The following NEGR1 variants were observed in gnomAD, a reference collection of about 807,000 sequenced individuals.
The protein encoded by NEGR1 is neuronal growth regulator 1.
In NEGR1, 10 loss-of-function variants were observed where a neutral mutation model predicts 40.9. That is an observed-to-expected ratio of 0.24 (90% CI 0.15 to 0.42). NEGR1 has a LOEUF of 0.42. NEGR1 is among the 10% of genes least tolerant of loss of function. NEGR1 has a pLI of 1.00. For missense variants in NEGR1, 352 were observed against 438.9 expected (o/e 0.80, Z 1.77); for synonymous variants, 185 against 166.8 (o/e 1.11, Z -0.84).
intron 6 of NEGR1, among the ~76,000 whole-genome samples, chr1:71,499,771 G>A (rs1400594394): frequency 6.6e-6 from 1 of 151,862 alleles, no homozygotes; most frequent in East Asian, 1.9e-4. Context: ...TCCTGATCTA[G>A]TGCAATCTAT....
At chr1:71,742,124 A>G (rs1214086684) in intron 3 of NEGR1, among the ~76,000 whole-genome samples, 1 of 152,172 alleles carries the variant, frequency 6.6e-6, no homozygotes, top group Non-Finnish European at 1.5e-5. Context: ...GAAAAGAGAC[A>G]TAAGAGAGAT....
In NEGR1 at chr1:72,118,844, C is replaced by A. The variant is rs553786477; in HGVS notation, c.176+163475G>T. Among the ~76,000 whole-genome samples the A allele has an allele frequency of 1.2e-4, 18 of 151,382 alleles. No individual in the cohort carries two copies. The South Asian group carries it at 3.5e-3, about 30-fold the overall frequency. On this transcript the variant is annotated intron_variant, in intron 1 of 6. Coordinates refer to ENST00000357731, the MANE Select transcript of NEGR1 (RefSeq NM_173808.3). ...TTTCTATATTTTCTATGTTCTATTT[C>A]GGGCACTATTTTCAACCAAATTTTA...
intron 6 of NEGR1, among the ~76,000 whole-genome samples, chr1:71,409,714 T>C (rs1646302906): frequency 6.6e-6 from 1 of 152,064 alleles, no homozygotes; most frequent in Non-Finnish European, 1.5e-5. Context: ...TCTTTGTGTT[T>C]CCAGACATAA....
rs1449142999 is a variant in NEGR1 at position 71,928,091 on chromosome 1, T to C, written c.409+6988A>G. Reference sequence around the variant, plus strand: ...ACACATATGTACATATATGTATATATACACACATATGTATATATACACATA... The same window carrying C: ...ACACATATGTACATATATGTATATACACACACATATGTATATATACACATA... On this transcript the variant is annotated intron_variant, in intron 2 of 6. Transcript: ENST00000357731. Among the ~76,000 whole-genome samples the C allele has an allele frequency of 6.6e-4, 75 of 113,212 alleles. 3 individuals carry two copies. The highest frequency in any genetic ancestry group is 7.3e-4 in the Non-Finnish European group (40 of 55,044). The allele number at this position is 113,212 out of a possible 152,430, so 74.3% of individuals were successfully genotyped here.
chr1:72,133,007 T>TA (rs1344488143), intron 1 of NEGR1, among the ~76,000 whole-genome samples: 7 of 152,112 alleles, frequency 4.6e-5, no homozygotes, highest in African/African-American at 1.7e-4. Context: ...GAAAAAATAA[T>TA]AAGACATTGA....
intron 6 of NEGR1, among the ~76,000 whole-genome samples, chr1:71,426,708 T>C (rs950585252): frequency 1.3e-5 from 2 of 152,192 alleles, no homozygotes; most frequent in African/African-American, 4.8e-5. Flanking sequence ...GGATCCAAGA[T>C]ATATTTGCCT....
chr1:71,572,060 T>C (rs146289417), intron 6 of NEGR1, among the ~76,000 whole-genome samples: 11 of 152,272 alleles, frequency 7.2e-5, no homozygotes, highest in African/African-American at 2.4e-4. Flanking sequence ...GCTCTGAGTA[T>C]TAGCCTTTGT....
intron 1 of NEGR1, among the ~76,000 whole-genome samples, chr1:71,974,302 T>A (rs556623209): frequency 1.3e-5 from 2 of 152,278 alleles, no homozygotes; most frequent in African/African-American, 4.8e-5. Flanking sequence ...CCAAATCAGA[T>A]TAGGTTCACA....
chr1:71,693,194 T>G (rs2101624160), intron 4 of NEGR1, among the ~76,000 whole-genome samples: 1 of 151,854 alleles, frequency 6.6e-6, no homozygotes, highest in South Asian at 2.1e-4. Flanking sequence ...TCAGGTTATC[T>G]TTATTGAATC....
At chr1:71,820,660 C>T (rs948111657) in intron 2 of NEGR1, among the ~76,000 whole-genome samples, 1 of 151,908 alleles carries the variant, frequency 6.6e-6, no homozygotes, top group African/African-American at 2.4e-5. Context: ...AATGTACAAT[C>T]AAGAATGACA....
intron 6 of NEGR1, among the ~76,000 whole-genome samples, chr1:71,494,661 G>A (rs971103995): frequency 2.6e-5 from 4 of 152,136 alleles, no homozygotes; most frequent in African/African-American, 9.7e-5. Flanking sequence ...TGGGGACCCA[G>A]GAACTTTGTG....
chr1:71,663,816 C>T (rs575315226), intron 4 of NEGR1, among the ~76,000 whole-genome samples: 2 of 152,284 alleles, frequency 1.3e-5, no homozygotes, highest in South Asian at 4.1e-4. Flanking sequence ...TATTGAAGGA[C>T]TAGGTTTGTG....
chr1:72,137,567 G>A (rs1650516685), intron 1 of NEGR1, among the ~76,000 whole-genome samples: 1 of 151,638 alleles, frequency 6.6e-6, no homozygotes, highest in African/African-American at 2.4e-5. Context: ...TACACAGGGA[G>A]GGGAACATCA....
intron 2 of NEGR1, among the ~76,000 whole-genome samples, chr1:71,881,227 CAGTA>C (rs535816794): frequency 1.3e-5 from 2 of 151,902 alleles, no homozygotes; most frequent in South Asian, 4.2e-4. Flanking sequence ...TTTTCTGAGA[CAGTA>C]AGTGTCTGAT....
intron 1 of NEGR1, among the ~76,000 whole-genome samples, chr1:71,988,269 T>C (rs1478400670): frequency 2.6e-5 from 4 of 151,992 alleles, no homozygotes; most frequent in Non-Finnish European, 5.9e-5. Context: ...GAAGGTATCA[T>C]GGGGATGCTA....
At chr1:72,262,578 A>G (rs1029592641) in intron 1 of NEGR1, among the ~76,000 whole-genome samples, 5 of 151,958 alleles carry the variant, frequency 3.3e-5, no homozygotes, top group South Asian at 2.1e-4. Context: ...ACTCTCATAT[A>G]CTAAATGCTC....
At chr1:72,212,165 A>G (rs1653632152) in intron 1 of NEGR1, among the ~76,000 whole-genome samples, 1 of 151,992 alleles carries the variant, frequency 6.6e-6, no homozygotes, top group African/African-American at 2.4e-5. Flanking sequence ...AACTAAAAGA[A>G]TCAGGTTTAG....
At chr1:72,200,731 C>T (rs765498485) in intron 1 of NEGR1, among the ~76,000 whole-genome samples, 1 of 151,930 alleles carries the variant, frequency 6.6e-6, no homozygotes, top group African/African-American at 2.4e-5. Context: ...GCAATAGTCT[C>T]ACTCCAAATA....
At chr1:72,152,685 G>C (rs1217919548) in intron 1 of NEGR1, among the ~76,000 whole-genome samples, 2 of 151,922 alleles carry the variant, frequency 1.3e-5, no homozygotes, top group Non-Finnish European at 2.9e-5. Flanking sequence ...TATGTTCATA[G>C]CTGTTCTATT....
Sources: gnomAD v4.1 joint callset for allele counts (sites outside exome capture counted in the v4.1 genomes callset) on GRCh38, gnomAD v4.1.1 for gene constraint, MANE v1.5 for transcripts, NCBI Gene and HGNC (gene_info 2026-07-23, HGNC 2026-07-21) for gene names.